Variants in POU6F2 observed in about 807,000 individuals in gnomAD.
POU6F2 encodes POU domain, class 6, transcription factor 2.
POU6F2 carries 31 observed loss-of-function variants against 71.3 expected under a neutral mutation model. The observed-to-expected ratio is 0.43, with a 90% CI of 0.33 to 0.59. The LOEUF is 0.59. Ranked by LOEUF, POU6F2 falls within the 20% of genes least tolerant of loss-of-function variation. The pLI is 0.04. For missense variants in POU6F2, 783 were observed against 856.8 expected (o/e 0.91, Z 1.07); for synonymous variants, 347 against 355.7 (o/e 0.98, Z 0.27).
chr7:39,107,232 A>G, intron 2 of POU6F2, among the ~76,000 whole-genome samples: 1 of 151,482 alleles, frequency 6.6e-6, no homozygotes, highest in Non-Finnish European at 1.5e-5. Context: ...TTTTGTAGAG[A>G]CAGAATCGCC....
intron 4 of POU6F2, among the ~76,000 whole-genome samples, chr7:39,299,798 A>G (rs1302028331): frequency 6.6e-6 from 1 of 152,208 alleles, no homozygotes; most frequent in Non-Finnish European, 1.5e-5. Flanking sequence ...CTCAGGCAGG[A>G]AAGGCTCGGG....
At chr7:39,204,132 A>G in intron 2 of POU6F2, 103 bp from the exon 3 acceptor site, 3 of 985,506 alleles carry the variant, frequency 3.0e-6, no homozygotes, top group Middle Eastern at 2.0e-4. Context: ...CACTGGAGAT[A>G]TTGATAAACC....
chr7:39,423,384 A>G (rs1299986436), intron 6 of POU6F2, among the ~76,000 whole-genome samples: 1 of 152,008 alleles, frequency 6.6e-6, no homozygotes, highest in Non-Finnish European at 1.5e-5. Flanking sequence ...TGGCTGGGTA[A>G]CATCCTGGTC....
In POU6F2 at chr7:39,044,106, A is replaced by C. The variant is rs146204576; in HGVS notation, c.106-41754A>C. On this transcript the variant is annotated intron_variant, in intron 1 of 9. Transcript: ENST00000518318. Reference sequence around the variant, plus strand: ...GGACTTAAAGAGTGCATTTTGAACAAACACCCTAGGGGATTCTTACGCACA... The same window carrying C: ...GGACTTAAAGAGTGCATTTTGAACACACACCCTAGGGGATTCTTACGCACA... 4.2e-3 allele frequency among the ~76,000 whole-genome samples: 642 copies of C among 152,030 alleles called. 5 individuals are homozygous for C. Among genetic ancestry groups the C allele is most frequent in the Admixed American group, 6.8e-3 (103 of 15,256 alleles).
intron 1 of POU6F2, among the ~76,000 whole-genome samples, chr7:38,989,827 T>TTG (rs144183792): frequency 0.27 from 34,989 of 130,020 alleles, 4,344 homozygotes; most frequent in South Asian, 0.43. Context: ...GTGTGTGTGT[T>TTG]TGTGTGTGTG....
chr7:39,087,052 A>T (rs1791262144), intron 2 of POU6F2, among the ~76,000 whole-genome samples: 1 of 144,892 alleles, frequency 6.9e-6, no homozygotes, highest in Admixed American at 7.0e-5. Context: ...AGAAACAGTC[A>T]AGCACCTGAA....
intron 4 of POU6F2, among the ~76,000 whole-genome samples, chr7:39,264,838 AATATATATACTCCCTGC>A (rs1784210804): frequency 6.6e-6 from 1 of 152,178 alleles, no homozygotes; most frequent in Non-Finnish European, 1.5e-5. Context: ...GGAGACGGCT[AATATATATACTCCCTGC>A]ATACCACAAA....
intron 4 of POU6F2, among the ~76,000 whole-genome samples, chr7:39,242,070 TCACTGTGTGGATATAC>T (rs1783735472): frequency 6.6e-6 from 1 of 152,200 alleles, no homozygotes; most frequent in Non-Finnish European, 1.5e-5. Flanking sequence ...GAGTAAGGTT[TCACTGTGTGGATATAC>T]CACAGTTTGT....
At chr7:39,421,952 A>G (rs1787859733) in intron 6 of POU6F2, among the ~76,000 whole-genome samples, 1 of 152,220 alleles carries the variant, frequency 6.6e-6, no homozygotes, top group African/African-American at 2.4e-5. Flanking sequence ...GCTGGTATTA[A>G]AACTTAAAGT....
intron 5 of POU6F2, among the ~76,000 whole-genome samples, chr7:39,397,834 A>ATATATAT (rs1395034721): frequency 7.7e-5 from 11 of 143,634 alleles, no homozygotes; most frequent in African/African-American, 2.4e-4. Flanking sequence ...ATATATATAT[A>ATATATAT]GTAGAGACGG....
At chr7:39,201,871 G>A (rs978410422) in intron 2 of POU6F2, among the ~76,000 whole-genome samples, 9 of 152,120 alleles carry the variant, frequency 5.9e-5, no homozygotes, top group East Asian at 1.9e-4. Flanking sequence ...TTCCAGAGCC[G>A]CCTTCCAACC....
At chr7:39,373,759 A>T in intron 5 of POU6F2, 1 of 320,122 alleles carries the variant, frequency 3.1e-6, no homozygotes, top group Admixed American at 3.9e-5. Context: ...AGTATCCAAA[A>T]ATCAAGGTGT....
chr7:39,149,898 T>C (rs1342359005), intron 2 of POU6F2, among the ~76,000 whole-genome samples: 1 of 151,848 alleles, frequency 6.6e-6, no homozygotes, highest in African/African-American at 2.4e-5. Flanking sequence ...TTTTTTTTTT[T>C]TTCTTGAGAC....
chr7:39,421,347 A>T (rs1371360138), intron 6 of POU6F2, among the ~76,000 whole-genome samples: 3 of 152,240 alleles, frequency 2.0e-5, no homozygotes, highest in East Asian at 3.8e-4. Flanking sequence ...ATCAAAATAC[A>T]TTTAATTTTG....
chr7:39,248,863 T>C (rs549169562), intron 4 of POU6F2, among the ~76,000 whole-genome samples: 208 of 152,336 alleles, frequency 1.4e-3, no homozygotes, highest in Non-Finnish European at 2.4e-3. Flanking sequence ...TTTGCCCATC[T>C]TGCTCAGTGG....
intron 4 of POU6F2, among the ~76,000 whole-genome samples, chr7:39,323,769 TGA>T (rs34321940): frequency 0.14 from 21,071 of 151,762 alleles, 1,540 homozygotes; most frequent in Admixed American, 0.19. Context: ...ATTTAATAAA[TGA>T]GAGAGAGAGA....
rs1423523212 is a variant in POU6F2, at chr7:39,087,155, AATTAATTTATTT to A, written c.277+1128_277+1139del. Among the ~76,000 whole-genome samples the A allele has an allele frequency of 2.3e-4, 12 of 52,288 alleles. No individual in the cohort carries two copies. The East Asian group carries it at 3.5e-3, about 15-fold the overall frequency. 34.3% of individuals were successfully genotyped at this position (52,288 alleles called of 152,430 possible). ...GAAACACAGGCTTTATTAATTAATT[AATTAATTTATTT>A]ATTTATTTATTTATTTATTTATTTA... On this transcript the variant is annotated intron_variant, in intron 2 of 9. Transcript: ENST00000518318.
intron 4 of POU6F2, among the ~76,000 whole-genome samples, chr7:39,327,135 C>G (rs1785518858): frequency 2.0e-5 from 3 of 151,976 alleles, no homozygotes; most frequent in Admixed American, 2.0e-4. Flanking sequence ...AAAAATCAGC[C>G]TGGCGTGGTG....
chr7:39,248,047 A>C (rs1295714082), intron 4 of POU6F2, among the ~76,000 whole-genome samples: 1 of 152,158 alleles, frequency 6.6e-6, no homozygotes, highest in East Asian at 1.9e-4. Context: ...TATTAAAGAC[A>C]GGATTTAGTG....
Sources: gnomAD v4.1 joint callset for allele counts (sites outside exome capture counted in the v4.1 genomes callset) on GRCh38, gnomAD v4.1.1 for gene constraint, MANE v1.5 for transcripts, NCBI Gene and HGNC (gene_info 2026-07-23, HGNC 2026-07-21) for gene names.